The following WDR20 variants were observed in gnomAD, a reference collection of about 807,000 sequenced individuals.
WDR20 encodes the protein WD repeat domain 20, also known as WD repeat-containing protein 20.
WDR20 carries 3 observed loss-of-function variants against 38.7 expected under a neutral mutation model. The observed-to-expected ratio is 0.08, with a 90% CI of 0.04 to 0.20. The LOEUF (loss-of-function observed/expected upper bound fraction) is 0.20, where lower values mean the gene tolerates loss of function less well. Among genes scored for constraint, WDR20 ranks in the 10% least tolerant of loss-of-function variants. The pLI, the probability that WDR20 is intolerant of heterozygous loss-of-function variation, is 1.00. For synonymous variants in WDR20, 298 were observed against 285.6 expected (o/e 1.04, Z -0.44); for missense variants, 559 against 727.7 (o/e 0.77, Z 2.67).
At chr14:102,213,929 C>T (rs2062877341), downstream of WDR20, 3 of 985,338 alleles carry the variant, frequency 3.0e-6, no homozygotes, top group African/African-American at 1.7e-5. Context: ...AGAAGCAGTT[C>T]ACCAGTGGAT....
rs57488628 is a variant in WDR20, at chr14:102,160,947, C to CAAA, written c.249+20793_249+20795dup. Among the ~76,000 whole-genome samples, 155 of 54,612 alleles carry CAAA rather than the reference C, an allele frequency of 2.8e-3. 7 individuals are homozygous for CAAA. Among genetic ancestry groups the CAAA allele is most frequent in the African/African-American group, 0.011 (148 of 13,978 alleles). The allele number at this position is 54,612 out of a possible 152,430, so 35.8% of individuals were successfully genotyped here. A position where few individuals can be genotyped will look rare whatever the true frequency, so the allele number is the denominator to read the frequency against. ...TGGGTGACAGGGCAAGACTCTGTCT[C>CAAA]AAAAAAAAAAAAAAAAAAAAGAATA... On this transcript the variant is annotated intron_variant, in intron 1 of 2. Transcript: ENST00000342702.
rs761773133 is a variant in WDR20 at position 102,145,294 on chromosome 14, T to G, written c.249+5122T>G. Among the ~76,000 whole-genome samples the G allele has an allele frequency of 6.0e-4, 92 of 152,344 alleles. 1 individual carries two copies. The highest frequency in any genetic ancestry group is 6.0e-3 in the Admixed American group (92 of 15,298). On this transcript the variant is annotated intron_variant, in intron 1 of 2. Transcript: ENST00000342702. ...CTTGGGTATTTTTTAATAGCTCATA[T>G]CTTTTAAAAGACATTTAAAAATATT...
chr14:102,214,602 C>T (rs781600662), downstream of WDR20: 6 of 985,250 alleles, frequency 6.1e-6, no homozygotes, highest in Non-Finnish European at 7.2e-6. Flanking sequence ...TTTATCATTT[C>T]TGTATACTTG....
chr14:102,191,870 T>TA, intron 1 of WDR20, among the ~76,000 whole-genome samples: 1 of 152,198 alleles, frequency 6.6e-6, no homozygotes, highest in Admixed American at 6.5e-5. Flanking sequence ...AGATCAACTT[T>TA]AAAAAAATTT....
At chr14:102,200,469 G>GTC (rs1281198829) in intron 2 of WDR20, among the ~76,000 whole-genome samples, 14 of 53,354 alleles carry the variant, frequency 2.6e-4, no homozygotes, top group Non-Finnish European at 5.6e-4. Flanking sequence ...TTTTTTTTTT[G>GTC]TGTGTGTGTG....
upstream of WDR20, chr14:102,139,647 A>G (rs1279602272): frequency 2.8e-5 from 18 of 644,022 alleles, no homozygotes; most frequent in Non-Finnish European, 4.7e-5. Flanking sequence ...TGAAGCCGGC[A>G]TCACCTGGGA....
intron 2 of WDR20, among the ~76,000 whole-genome samples, chr14:102,200,841 T>C (rs890516548): frequency 6.6e-6 from 1 of 152,160 alleles, no homozygotes; most frequent in African/African-American, 2.4e-5. Flanking sequence ...TTGTGGCATT[T>C]AGATCCAGTC....
intron 1 of WDR20, among the ~76,000 whole-genome samples, chr14:102,191,975 C>T (rs1480027249): frequency 6.6e-6 from 1 of 152,124 alleles, no homozygotes; most frequent in Non-Finnish European, 1.5e-5. Context: ...AACTTTTTAT[C>T]ATTACATTCA....
At chr14:102,211,437 C>T (rs1013414768), downstream of WDR20, among the ~76,000 whole-genome samples, 2 of 152,168 alleles carry the variant, frequency 1.3e-5, no homozygotes, top group African/African-American at 2.4e-5. This position sits in a 1 kb window ranked among gnomAD's most constrained non-coding sequence, Gnocchi z 4.2. Flanking sequence ...AAACATGTCA[C>T]GGTGGCGCCA....
chr14:102,209,819 G>C lies in WDR20; in HGVS notation c.1649G>C (p.Cys550Ser). 1 of 1,613,834 alleles carries C rather than the reference G, an allele frequency of 6.2e-7. No individual in the cohort carries two copies. Among genetic ancestry groups the C allele is most frequent in the Non-Finnish European group, 8.5e-7 (1 of 1,179,958 alleles). ...CTTGAAGACTGTATAGTCACTGCTT[G>C]TCAGGAGGGATTTATTTGCACATGG... ...IFLEDCIVTA[C>S]QEGFICTWGR... Residue 550 changes from cysteine to serine, a missense_variant, in exon 3 of 3, where the codon TGT becomes TCT. Cys to Ser is a moderately radical substitution (Grantham distance 112). Transcript: ENST00000342702. The surrounding 1 kb of genome is among the most constrained non-coding windows in gnomAD (Gnocchi z 6.0).
At chr14:102,154,055 G>A (rs1023625788) in intron 1 of WDR20, among the ~76,000 whole-genome samples, 5 of 152,178 alleles carry the variant, frequency 3.3e-5, no homozygotes, top group Non-Finnish European at 7.3e-5. Flanking sequence ...TGTAGTTCCA[G>A]GGGAGACTGA....
At chr14:102,215,656 T>C (rs2063132466), downstream of WDR20, among the ~76,000 whole-genome samples, 1 of 152,162 alleles carries the variant, frequency 6.6e-6, no homozygotes, top group Non-Finnish European at 1.5e-5. Context: ...AGGAGCTCTT[T>C]TCCTGGCTAG....
chr14:102,153,081 C>G (rs768832347), intron 1 of WDR20, among the ~76,000 whole-genome samples: 6 of 152,094 alleles, frequency 3.9e-5, no homozygotes, highest in Admixed American at 1.3e-4. Flanking sequence ...CTTGGTGCTG[C>G]CCTCACGCTA....
intron 1 of WDR20, among the ~76,000 whole-genome samples, chr14:102,187,279 T>A (rs1166546955): frequency 2.0e-5 from 3 of 152,218 alleles, no homozygotes; most frequent in African/African-American, 7.2e-5. Flanking sequence ...GCCTCCTGGC[T>A]TCTTTCTTGT....
chr14:102,147,877 C>T (rs148482185), intron 1 of WDR20, among the ~76,000 whole-genome samples: 84 of 152,208 alleles, frequency 5.5e-4, no homozygotes, highest in Non-Finnish European at 8.1e-4. Context: ...ATTACAGGCA[C>T]CTGCCACCAC....
At chr14:102,168,559 G>C (rs2060209012) in intron 1 of WDR20, among the ~76,000 whole-genome samples, 1 of 152,138 alleles carries the variant, frequency 6.6e-6, no homozygotes, top group South Asian at 2.1e-4. Context: ...AATGGCTGCA[G>C]CTTCCCAGTT....
chr14:102,151,447 G>T (rs1487402727), intron 1 of WDR20, among the ~76,000 whole-genome samples: 1 of 152,114 alleles, frequency 6.6e-6, no homozygotes, highest in Admixed American at 6.6e-5. Context: ...CCAGGCTGGA[G>T]TGCAGTGGCT....
At chr14:102,193,476 G>A (rs1401782932) in intron 1 of WDR20, 3 of 1,613,702 alleles carry the variant, frequency 1.9e-6, no homozygotes, top group Non-Finnish European at 2.5e-6. Context: ...ATCCCATGAG[G>A]TTGGTAGAAC....
downstream of WDR20, among the ~76,000 whole-genome samples, chr14:102,216,316 T>G (rs974966285): frequency 6.6e-6 from 1 of 152,176 alleles, no homozygotes; most frequent in African/African-American, 2.4e-5. Context: ...CAGGGCGTTT[T>G]GGTTTGTGTT....
Sources: allele counts gnomAD v4.1 joint callset (sites outside exome capture counted in the v4.1 genomes callset), GRCh38; gene constraint gnomAD v4.1.1; non-coding constraint Gnocchi (gnomAD v3.1); transcripts MANE v1.5; gene names NCBI Gene and HGNC (gene_info 2026-07-23, HGNC 2026-07-21).